Variants in ROBO2 observed in about 807,000 individuals in gnomAD.
The protein encoded by ROBO2 is roundabout guidance receptor 2.
In ROBO2, 53 loss-of-function variants were observed where a neutral mutation model predicts 160.8. That is an observed-to-expected ratio of 0.33 (90% CI 0.26 to 0.41). The LOEUF is 0.41. Ranked by LOEUF, ROBO2 falls within the 10% of genes least tolerant of loss-of-function variation. The pLI, the probability that ROBO2 is intolerant of heterozygous loss-of-function variation, is 1.00. For missense variants in ROBO2, 1,577 were observed against 1,722.4 expected, an observed-to-expected ratio of 0.92 and a Z score of 1.49; for synonymous variants, 664 against 611.7, an observed-to-expected ratio of 1.09 and a Z score of -1.26.
At chr3:76,173,023 C>T (rs12497502) in intron 2 of ROBO2, among the ~76,000 whole-genome samples, 14,814 of 151,222 alleles carry the variant, frequency 0.098, 1,058 homozygotes, top group East Asian at 0.22. Context: ...TGTCTCTGAC[C>T]CCAACTATGT....
In ROBO2 at chr3:76,669,951, C is replaced by T. The variant is rs370992342; in HGVS notation, c.110-428063C>T. 6.6e-5 allele frequency among the ~76,000 whole-genome samples: 10 copies of T among 152,100 alleles called. No homozygotes were observed. The South Asian group carries it at 1.9e-3, about 28-fold the overall frequency. On this transcript the variant is annotated intron_variant, in intron 2 of 26. Coordinates refer to the ROBO2 transcript ENST00000487694. ...TATACTACCCAATATGTAATAATTT[C>T]TCAAATGTGCTTCTTACAATCATAT...
intron 2 of ROBO2, among the ~76,000 whole-genome samples, chr3:75,941,567 G>A (rs79819230): frequency 2.0e-5 from 3 of 152,142 alleles, no homozygotes; most frequent in Non-Finnish European, 4.4e-5. Context: ...TGCTAGATAT[G>A]AGAAAGTTTG....
intron 2 of ROBO2, among the ~76,000 whole-genome samples, chr3:76,412,574 T>C (rs928300818): frequency 2.0e-5 from 3 of 152,110 alleles, no homozygotes; most frequent in African/African-American, 7.2e-5. Flanking sequence ...TGGAAGAAAT[T>C]AGCCCAAACA....
chr3:77,069,877 C>G (rs537870355), intron 1 of ROBO2, among the ~76,000 whole-genome samples: 1 of 152,126 alleles, frequency 6.6e-6, no homozygotes, highest in African/African-American at 2.4e-5. Flanking sequence ...AATTGTGTCC[C>G]TCCAAAAATG....
At chr3:76,580,580 G>A (rs1423456385) in intron 2 of ROBO2, among the ~76,000 whole-genome samples, 1 of 151,834 alleles carries the variant, frequency 6.6e-6, no homozygotes, top group Non-Finnish European at 1.5e-5. Flanking sequence ...GAATCTGGGA[G>A]AAAATTAAAT....
chr3:76,705,363 T>C (rs2093138533), intron 2 of ROBO2, among the ~76,000 whole-genome samples: 1 of 152,142 alleles, frequency 6.6e-6, no homozygotes, highest in Admixed American at 6.6e-5. Context: ...ATTAACAAGA[T>C]TTTAAAAGGA....
At chr3:76,471,455 C>T (rs562253522) in intron 2 of ROBO2, among the ~76,000 whole-genome samples, 10 of 152,228 alleles carry the variant, frequency 6.6e-5, no homozygotes, top group African/African-American at 2.2e-4. Flanking sequence ...CTATAACACA[C>T]TGCCTTGATT....
At chr3:77,563,315 C>G (rs1343051970) in exon 11 of ROBO2, 1 of 1,613,292 alleles carries the variant, frequency 6.2e-7, no homozygotes, top group African/African-American at 1.3e-5. Flanking sequence ...GTGCATATAT[C>G]ATTGAGGCTT....
intron 2 of ROBO2, among the ~76,000 whole-genome samples, chr3:77,112,093 G>A (rs1359021267): frequency 1.3e-5 from 2 of 150,140 alleles, no homozygotes; most frequent in Non-Finnish European, 3.0e-5. Flanking sequence ...CTCACCTGTA[G>A]TCCCAGCTAG....
chr3:76,516,190 T>C (rs2081340490), intron 2 of ROBO2, among the ~76,000 whole-genome samples: 1 of 152,170 alleles, frequency 6.6e-6, no homozygotes, highest in African/African-American at 2.4e-5. Context: ...GATAAATGTA[T>C]GTTTCATGGT....
rs141675070 is a variant in ROBO2, at chr3:77,419,202, A to C, written c.389-58212A>C. On this transcript the variant is annotated intron_variant, in intron 2 of 25. Transcript: ENST00000461745. ...TGGTTTAAGTAATGTCCTATCATAG[A>C]AAACGTTAAATCATACTTTGTCAGC... is the stretch of plus-strand genomic sequence containing the variant. 3.2e-3 allele frequency among the ~76,000 whole-genome samples: 490 copies of C among 152,222 alleles called. 5 individuals are homozygous for C. Among genetic ancestry groups the C allele is most frequent in the African/African-American group, 0.011 (467 of 41,560 alleles).
chr3:76,887,883 G>T (rs1223809892), intron 2 of ROBO2, among the ~76,000 whole-genome samples: 1 of 152,056 alleles, frequency 6.6e-6, no homozygotes, highest in East Asian at 1.9e-4. Flanking sequence ...CATTACCTGG[G>T]AATTAAAGTA....
chr3:75,919,274 T>C (rs1370386370), intron 1 of ROBO2, among the ~76,000 whole-genome samples: 1 of 152,160 alleles, frequency 6.6e-6, no homozygotes, highest in Non-Finnish European at 1.5e-5. Flanking sequence ...TGAAGGCCTT[T>C]TCTGAATCTA....
At chr3:76,875,383 T>A (rs1276725241) in intron 2 of ROBO2, among the ~76,000 whole-genome samples, 2 of 152,212 alleles carry the variant, frequency 1.3e-5, no homozygotes, top group African/African-American at 4.8e-5. Flanking sequence ...GCATAGTGTA[T>A]TAGATTCCTA....
chr3:77,141,598 C>A (rs2076709561), intron 2 of ROBO2, among the ~76,000 whole-genome samples: 1 of 152,144 alleles, frequency 6.6e-6, no homozygotes, highest in Non-Finnish European at 1.5e-5. Context: ...GGATTTATGA[C>A]CCATTCTTGA....
At chr3:76,136,555 T>C (rs1372015329) in intron 2 of ROBO2, among the ~76,000 whole-genome samples, 1 of 152,026 alleles carries the variant, frequency 6.6e-6, no homozygotes, top group Non-Finnish European at 1.5e-5. Context: ...GAGTGGGGTA[T>C]AATATAGGAG....
At position 76,435,480 on chromosome 3, in the gene ROBO2, G is replaced by A. The variant is rs1056092772; in HGVS notation, c.109+497878G>A. 4 of 703,762 alleles carry A rather than the reference G, an allele frequency of 5.7e-6. No individual in the cohort carries two copies. In the African/African-American group the frequency reaches 7.0e-5, roughly 12 times the overall value. 43.6% of individuals were successfully genotyped at this position (703,762 alleles called of 1,614,324 possible). On this transcript the variant is annotated intron_variant, in intron 2 of 26. Transcript: ENST00000487694. ...TCCCTTCACACCGTGGGATAAATCT[G>A]TATCAAGATGGTTCTTTTCGCGATT...
At chr3:76,465,998 G>GGTGTGTGT (rs57838247) in intron 2 of ROBO2, among the ~76,000 whole-genome samples, 7,079 of 147,590 alleles carry the variant, frequency 0.048, 345 homozygotes, top group African/African-American at 0.13. Flanking sequence ...ATAAAATATG[G>GGTGTGTGT]GTGTGTGTGT....
At chr3:77,293,443 A>G (rs1197839637) in intron 2 of ROBO2, among the ~76,000 whole-genome samples, 4 of 142,646 alleles carry the variant, frequency 2.8e-5, no homozygotes, top group East Asian at 2.0e-4. Context: ...CTAGATCACT[A>G]AAGACATAAA....
Sources: allele counts gnomAD v4.1 joint callset (sites outside exome capture counted in the v4.1 genomes callset), GRCh38; gene constraint gnomAD v4.1.1; transcripts MANE v1.5; gene names NCBI Gene and HGNC (gene_info 2026-07-23, HGNC 2026-07-21).